CATIP: variants seen among roughly 807,000 people sequenced by gnomAD.
CATIP encodes ciliogenesis-associated TTC17-interacting protein.
A neutral mutation model predicts 42.5 loss-of-function variants in CATIP; 40 were observed. The observed-to-expected ratio is 0.94, with a 90% CI of 0.73 to 1.22. CATIP has a LOEUF of 1.22. CATIP is among the 50% of genes most tolerant of loss of function. CATIP has a pLI of 0.00. For synonymous variants in CATIP, 222 were observed against 200.2 expected, an observed-to-expected ratio of 1.11 and a Z score of -0.92; for missense variants, 489 against 496.0, an observed-to-expected ratio of 0.99 and a Z score of 0.13.
chr2:218,366,167 A>G (rs192914114), intron 7 of CATIP: 1 of 151,660 alleles, frequency 6.6e-6, no homozygotes, highest in Non-Finnish European at 1.5e-5. Flanking sequence ...TCTGTTACCC[A>G]GACTGGAGTA....
In CATIP at chr2:218,362,820, T is replaced by C; in HGVS notation, c.548T>C (p.Val183Ala). ...SEAANLVLLR[V>A]MAWRRMVPSN... The stretch of plus-strand genomic sequence containing the variant: ...GCTGCCAACCTGGTGCTGCTCAGGG[T>C]GATGGCCTGGCGGCGGATGGTGCCC... Residue 183 changes from valine to alanine, a missense_variant, in exon 6 of 10, where the codon GTG (valine) becomes GCG (alanine). Val to Ala is a moderately conservative substitution (Grantham distance 64). Transcript: ENST00000289388. 6.2e-7 allele frequency: 1 copy of C among 1,613,992 alleles called. No homozygotes were observed. Among genetic ancestry groups the C allele is most frequent in the Non-Finnish European group, 8.5e-7 (1 of 1,179,994 alleles).
rs765398125 is a variant in CATIP, at chr2:218,362,909, G to T, written c.630+7G>T. On this transcript the variant is annotated splice_region_variant and intron_variant, in intron 6 of 9. Coordinates refer to ENST00000289388, the MANE Select transcript of CATIP (RefSeq NM_198559.2). ...ACTCTGCTATTTGACCTATGTAAGG[G>T]GTCCCCTTGGGCAGGGGACTTGGCT... 14 of 1,607,436 alleles carry T rather than the reference G, an allele frequency of 8.7e-6. No homozygotes were observed. The highest frequency in any genetic ancestry group is 1.2e-5 in the Non-Finnish European group (14 of 1,175,888).
chr2:218,356,972 G>A (rs1452379740), intron 1 of CATIP, 63 bp downstream of exon 1: 7 of 1,603,910 alleles, frequency 4.4e-6, no homozygotes, highest in South Asian at 2.2e-5. Flanking sequence ...ATCCACCCTC[G>A]GGGTAGTCTT....
rs575065433 is a variant in CATIP, at chr2:218,368,004, G to C, written c.*40G>C. 1.2e-5 allele frequency: 18 copies of C among 1,472,338 alleles called. No individual in the cohort carries two copies. Among genetic ancestry groups the C allele is most frequent in the South Asian group, 2.6e-5 (2 of 75,810 alleles). The allele number at this position is 1,472,338 out of a possible 1,614,324, so 91.2% of individuals were successfully genotyped here. A position where few individuals can be genotyped will look rare whatever the true frequency, so the allele number is the denominator to read the frequency against. On this transcript the variant is annotated 3_prime_UTR_variant, in exon 10 of 10. Transcript: ENST00000289388. Reference sequence around the variant, plus strand: ...CGGACAGGGCAGGAAACCAGGGGTCGGGCTGGGACGCGGGCGGGACGCGCC... The same window carrying C: ...CGGACAGGGCAGGAAACCAGGGGTCCGGCTGGGACGCGGGCGGGACGCGCC...
rs546504683 is a variant in CATIP at position 218,367,842 on chromosome 2, G to A, written c.1042G>A (p.Ala348Thr). 15 of 1,613,104 alleles carry A rather than the reference G, an allele frequency of 9.3e-6. No individual in the cohort carries two copies. The African/African-American group carries it at 1.7e-4, about 19-fold the overall frequency. ...RQPEDVVTFA[A>T]EFFGPFDPWR... ...GCCGGAGGACGTGGTCACCTTCGCC[G>A]CCGAGTTCTTCGGCCCCTTCGACCC... Residue 348 changes from alanine (A) to threonine (T), a missense_variant, in exon 10 of 10, where the codon GCC (alanine) becomes ACC (threonine). Coordinates refer to ENST00000289388, the MANE Select transcript of CATIP (RefSeq NM_198559.2).
intron 3 of CATIP, 138 bp from the exon 4 acceptor site, chr2:218,357,899 G>A: frequency 2.8e-6 from 3 of 1,060,618 alleles, no homozygotes; most frequent in Non-Finnish European, 4.4e-6. Flanking sequence ...GACTCGGGAT[G>A]AGGGCACATC....
intron 5 of CATIP, among the ~76,000 whole-genome samples, chr2:218,361,494 A>G (rs374154106): frequency 2.6e-5 from 4 of 152,302 alleles, no homozygotes; most frequent in South Asian, 4.1e-4. Context: ...TTAGCCTTTC[A>G]CTGAATACAC....
At chr2:218,362,973 G>A in intron 6 of CATIP, 71 bp downstream of exon 6, 1 of 1,460,164 alleles carries the variant, frequency 6.8e-7, no homozygotes, top group Non-Finnish European at 9.3e-7. Flanking sequence ...GCACTGAGAT[G>A]GGGAACAGCT....
chr2:218,365,093 C>T (rs1251598975), intron 7 of CATIP, among the ~76,000 whole-genome samples: 1 of 152,118 alleles, frequency 6.6e-6, no homozygotes, highest in Non-Finnish European at 1.5e-5. Flanking sequence ...GCCGTGCAGT[C>T]TCCAGCAAAG....
intron 7 of CATIP, chr2:218,365,635 A>G (rs1695405460): frequency 6.6e-6 from 1 of 152,198 alleles, no homozygotes; most frequent in Non-Finnish European, 1.5e-5. Flanking sequence ...ATCATAGCCC[A>G]CTGCAGCCTC....
chr2:218,364,695 C>G lies in CATIP; in HGVS notation c.698C>G (p.Thr233Ser). Residue 233 changes from threonine (T) to serine (S), a missense_variant, in exon 7 of 10, where the codon ACT becomes AGT. Coordinates refer to ENST00000289388, the MANE Select transcript of CATIP (RefSeq NM_198559.2). Reference sequence around the variant, plus strand: ...GCTGAAGTCTTCATCGTGGAGCAGACTGTCCACGCGGAGGAGGGCATCCCC... The same window carrying G: ...GCTGAAGTCTTCATCGTGGAGCAGAGTGTCCACGCGGAGGAGGGCATCCCC... ...QQAEVFIVEQ[T>S]VHAEEGIPMS... The G allele has an allele frequency of 6.2e-7, 1 of 1,613,996 alleles. No individual in the cohort carries two copies. The highest frequency in any genetic ancestry group is 8.5e-7 in the Non-Finnish European group (1 of 1,179,934).
intron 6 of CATIP, among the ~76,000 whole-genome samples, chr2:218,364,300 G>A (rs942003101): frequency 6.6e-6 from 1 of 152,100 alleles, no homozygotes; most frequent in Admixed American, 6.6e-5. Context: ...TCACACCTCT[G>A]AGCCTCACTT....
In CATIP at chr2:218,367,237, C is replaced by G. The variant is rs900302465; in HGVS notation, c.832+137C>G. On this transcript the variant is annotated intron_variant, in intron 8 of 9. Coordinates refer to ENST00000289388, the MANE Select transcript of CATIP (RefSeq NM_198559.2). ...CCTGGAATCAGCTGGAGAACATCTG[C>G]CCTCCAGCCCCTGACCCCAAGCAAT... 6 of 761,748 alleles carry G rather than the reference C, an allele frequency of 7.9e-6. No individual in the cohort carries two copies. The African/African-American group carries it at 8.8e-5, about 11-fold the overall frequency. 47.2% of individuals were successfully genotyped at this position (761,748 alleles called of 1,614,324 possible).
intron 7 of CATIP, chr2:218,366,685 T>G (rs1695453774): frequency 2.9e-6 from 1 of 342,118 alleles, no homozygotes; most frequent in South Asian, 2.3e-5. Flanking sequence ...AGAAATATAT[T>G]TGCTGGAAGG....
Position 218,364,660 on chromosome 2 carries a change from C to CTT in CATIP, c.663_664insTT (p.His222PhefsTer54). Reference sequence around the variant, plus strand: ...TGGGCTTCCAGACCATCCAGGTAGACCATCAGCAGGCTGAAGTCTTCATCG... The same window carrying CTT: ...TGGGCTTCCAGACCATCCAGGTAGACTTCATCAGCAGGCTGAAGTCTTCATCG... On this transcript the variant is annotated frameshift_variant, in exon 7 of 10. Transcript: ENST00000289388. LOFTEE classifies it high-confidence loss of function. 1 of 1,614,116 alleles carries CTT rather than the reference C, an allele frequency of 6.2e-7. No homozygotes were observed. The highest frequency in any genetic ancestry group is 8.5e-7 in the Non-Finnish European group (1 of 1,179,992).
At chr2:218,359,524 C>T (rs1695161405) in intron 4 of CATIP, among the ~76,000 whole-genome samples, 1 of 151,784 alleles carries the variant, frequency 6.6e-6, no homozygotes, top group Admixed American at 6.6e-5. Flanking sequence ...TGAAACAGGC[C>T]CCCAGGGAAG....
chr2:218,358,280 G>A (rs1038019893), intron 4 of CATIP, among the ~76,000 whole-genome samples, 188 bp downstream of exon 4: 3 of 152,168 alleles, frequency 2.0e-5, no homozygotes, highest in Admixed American at 6.5e-5. Context: ...TTTAAAACAC[G>A]GGGGTGGGCT....
In CATIP at chr2:218,357,575, G is replaced by T; in HGVS notation, c.160G>T (p.Ala54Ser). The T allele has an allele frequency of 4.3e-6, 7 of 1,614,054 alleles. No individual in the cohort carries two copies. The highest frequency in any genetic ancestry group is 5.9e-6 in the Non-Finnish European group (7 of 1,179,998). Residue 54 changes from alanine (A) to serine (S), a missense_variant, in exon 3 of 10, where the codon GCC (alanine) becomes TCC (serine). Coordinates refer to ENST00000289388, the MANE Select transcript of CATIP (RefSeq NM_198559.2). ...GATGCTGTTCTTCTCTGAGACGCTG[G>T]CCATGGTCTCAGACACCGGGGAGCC... ...LQMLFFSETL[A>S]MVSDTGEPQG...
chr2:218,360,455 G>A (rs899818339), intron 4 of CATIP, 118 bp from the exon 5 acceptor site: 3 of 776,132 alleles, frequency 3.9e-6, no homozygotes, highest in African/African-American at 1.7e-5. Flanking sequence ...CGGCCCGGCT[G>A]CTTTTTTTTT....
Sources: allele counts gnomAD v4.1 joint callset (sites outside exome capture counted in the v4.1 genomes callset), GRCh38; gene constraint gnomAD v4.1.1; transcripts MANE v1.5; gene names NCBI Gene and HGNC (gene_info 2026-07-23, HGNC 2026-07-21).